The following PPARGC1A variants were observed in gnomAD, a reference collection of about 807,000 sequenced individuals.
PPARGC1A encodes the protein PPARG coactivator 1 alpha, also known as peroxisome proliferator-activated receptor gamma coactivator 1-alpha.
Under a neutral mutation model 88.7 loss-of-function variants are expected in PPARGC1A, and 25 were observed. That is an observed-to-expected ratio of 0.28 (90% CI 0.21 to 0.39). The LOEUF is 0.39. Ranked by LOEUF, PPARGC1A falls within the 10% of genes least tolerant of loss-of-function variation. PPARGC1A has a pLI of 1.00. For synonymous variants in PPARGC1A, 363 were observed against 355.6 expected, an observed-to-expected ratio of 1.02 and a Z score of -0.24; for missense variants, 880 against 968.7, an observed-to-expected ratio of 0.91 and a Z score of 1.22.
the PPARGC1A span, among the ~76,000 whole-genome samples, chr4:24,325,921 T>C: frequency 6.6e-6 from 1 of 152,172 alleles, no homozygotes; most frequent in African/African-American, 2.4e-5. Flanking sequence ...CAACACTCTT[T>C]TATGCACTCT....
the PPARGC1A span, among the ~76,000 whole-genome samples, chr4:24,324,614 T>C: frequency 6.6e-6 from 1 of 152,132 alleles, no homozygotes; most frequent in East Asian, 1.9e-4. Flanking sequence ...TTGACCCCAA[T>C]ACAAACTCGA....
chr4:24,148,016 CA>C, the PPARGC1A span, among the ~76,000 whole-genome samples: 2 of 152,034 alleles, frequency 1.3e-5, no homozygotes, highest in Admixed American at 6.6e-5. Context: ...ATGGCTTTTG[CA>C]ACTGGAAAAA....
chr4:24,353,109 A>G, the PPARGC1A span, among the ~76,000 whole-genome samples: 1 of 151,872 alleles, frequency 6.6e-6, no homozygotes, highest in African/African-American at 2.4e-5. Flanking sequence ...TCTGACTGGT[A>G]TTGCCAGCAA....
At chr4:24,084,161 G>A in the PPARGC1A span, among the ~76,000 whole-genome samples, 1 of 152,184 alleles carries the variant, frequency 6.6e-6, no homozygotes, top group East Asian at 1.9e-4. Flanking sequence ...CAGAGGTCCA[G>A]TATGTGGAGC....
At chr4:23,937,983 C>T in the PPARGC1A span, among the ~76,000 whole-genome samples, 757 of 152,150 alleles carry the variant, frequency 5.0e-3, 9 homozygotes, top group African/African-American at 0.017. Context: ...GAATAATATG[C>T]GTAAACACAG....
chr4:24,259,069 G>A, the PPARGC1A span, among the ~76,000 whole-genome samples: 1 of 152,042 alleles, frequency 6.6e-6, no homozygotes, highest in East Asian at 1.9e-4. Context: ...AGACATTCCT[G>A]GCAAGTCATA....
chr4:24,430,067 G>T, the PPARGC1A span, among the ~76,000 whole-genome samples: 1 of 152,058 alleles, frequency 6.6e-6, no homozygotes, highest in Non-Finnish European at 1.5e-5. Flanking sequence ...AGCCTTACAT[G>T]CCAAGTGAAA....
chr4:23,947,183 A>T, the PPARGC1A span, among the ~76,000 whole-genome samples: 1 of 151,834 alleles, frequency 6.6e-6, no homozygotes, highest in South Asian at 2.1e-4. Context: ...AATAATAATG[A>T]AGATGACAAT....
At chr4:23,937,011 C>T in the PPARGC1A span, among the ~76,000 whole-genome samples, 1 of 152,002 alleles carries the variant, frequency 6.6e-6, no homozygotes, top group Non-Finnish European at 1.5e-5. Flanking sequence ...TAAGAAGGCA[C>T]TTCTGTGCGA....
chr4:23,919,625 C>T, the PPARGC1A span, among the ~76,000 whole-genome samples: 1 of 151,674 alleles, frequency 6.6e-6, no homozygotes, highest in Non-Finnish European at 1.5e-5. Flanking sequence ...CTTCTAAGTT[C>T]CCAATAAATG....
At chr4:24,005,251 T>C in the PPARGC1A span, among the ~76,000 whole-genome samples, 1 of 152,050 alleles carries the variant, frequency 6.6e-6, no homozygotes, top group Non-Finnish European at 1.5e-5. Context: ...TGCAGAGCTT[T>C]TGAAAGAAAA....
chr4:23,812,984 A>G, intron 9 of PPARGC1A, 37 bp downstream of exon 9: 1 of 1,611,706 alleles, frequency 6.2e-7, no homozygotes, highest in Non-Finnish European at 8.5e-7. Context: ...CAAGGAGGGG[A>G]TAAAGGGAGC....
At chr4:23,916,529 C>G in the PPARGC1A span, among the ~76,000 whole-genome samples, 1 of 152,054 alleles carries the variant, frequency 6.6e-6, no homozygotes, top group Non-Finnish European at 1.5e-5. Flanking sequence ...TTTTAAAGAG[C>G]TAGATGCACA....
chr4:23,804,881 T>G (rs552804179), intron 10 of PPARGC1A, among the ~76,000 whole-genome samples: 2 of 152,314 alleles, frequency 1.3e-5, no homozygotes, highest in African/African-American at 4.8e-5. Context: ...TTCTGAGACT[T>G]GCAGTGAGGT....
chr4:24,404,855 A>G, the PPARGC1A span, among the ~76,000 whole-genome samples: 1 of 152,232 alleles, frequency 6.6e-6, no homozygotes, highest in Non-Finnish European at 1.5e-5. Flanking sequence ...CAAACTGCCA[A>G]TTTGTGACTG....
At chr4:24,077,798 T>C in the PPARGC1A span, among the ~76,000 whole-genome samples, 2 of 152,014 alleles carry the variant, frequency 1.3e-5, no homozygotes, top group African/African-American at 2.4e-5. Context: ...TTATCTGTTA[T>C]ATCTTTCTGA....
the PPARGC1A span, among the ~76,000 whole-genome samples, chr4:24,410,555 A>AT: frequency 6.6e-6 from 1 of 152,172 alleles, no homozygotes; most frequent in Admixed American, 6.5e-5. Flanking sequence ...GATGCAAAGT[A>AT]TTGTTCCTGG....
the PPARGC1A span, among the ~76,000 whole-genome samples, chr4:24,126,259 G>T: frequency 9.0e-6 from 1 of 111,166 alleles, no homozygotes; most frequent in East Asian, 2.9e-4. Context: ...ACTGGCCCTG[G>T]CTTCTCACCA....
the PPARGC1A span, among the ~76,000 whole-genome samples, chr4:23,932,591 G>A: frequency 2.0e-5 from 3 of 151,802 alleles, no homozygotes; most frequent in East Asian, 1.9e-4. Context: ...TGGAAAAAAC[G>A]AAGTAGTGTT....
Sources: allele counts gnomAD v4.1 joint callset (sites outside exome capture counted in the v4.1 genomes callset), GRCh38; gene constraint gnomAD v4.1.1; transcripts MANE v1.5; gene names NCBI Gene and HGNC (gene_info 2026-07-23, HGNC 2026-07-21).